Variants in RBM7 observed in about 807,000 individuals in gnomAD.
RBM7 encodes RNA binding motif protein 7.
Under a neutral mutation model 31.0 loss-of-function variants are expected in RBM7, and 13 were observed. That is an observed-to-expected ratio of 0.42 (90% CI 0.27 to 0.67). RBM7 has a LOEUF of 0.67. Among genes scored for constraint, RBM7 ranks in the 30% least tolerant of loss-of-function variants. The pLI is 0.24. For missense variants in RBM7, 245 were observed against 326.2 expected (o/e 0.75, Z 1.92); for synonymous variants, 106 against 111.2 (o/e 0.95, Z 0.30).
rs1946293062 is a variant in RBM7, at chr11:114,408,219, CT to C, written c.*416del. 6.5e-6 allele frequency: 1 copy of C among 153,676 alleles called. No homozygotes were observed. Among genetic ancestry groups the C allele is most frequent in the African/African-American group, 2.4e-5 (1 of 41,428 alleles). The allele number at this position is 153,676 out of a possible 1,614,324, so 9.5% of individuals were successfully genotyped here. A position where few individuals can be genotyped will look rare whatever the true frequency, so the allele number is the denominator to read the frequency against. Reference sequence around the variant, plus strand: ...TATTTTAGTTAATTCAAAAATGAAACTTTTCAGTGATTCACTTTACTAACAT... The same window carrying C: ...TATTTTAGTTAATTCAAAAATGAAACTTTCAGTGATTCACTTTACTAACAT... On this transcript the variant is annotated 3_prime_UTR_variant, in exon 5 of 5. Transcript: ENST00000375490.
At chr11:114,402,268 A>G (rs1488341442) in intron 2 of RBM7, 1 of 168,524 alleles carries the variant, frequency 5.9e-6, no homozygotes, top group East Asian at 1.8e-4. Flanking sequence ...GGAGATCAGA[A>G]AATTATGGTC....
intron 3 of RBM7, 144 bp downstream of exon 3, chr11:114,403,059 A>G: frequency 1.4e-6 from 1 of 723,428 alleles, no homozygotes; most frequent in Non-Finnish European, 2.4e-6. Context: ...GGTTGTTGTT[A>G]TGTATCTATT....
At chr11:114,406,199 T>A (rs1415192635) in intron 4 of RBM7, 1 of 153,562 alleles carries the variant, frequency 6.5e-6, no homozygotes, top group Non-Finnish European at 1.4e-5. Flanking sequence ...TTTTCTTTTT[T>A]TGGTGGTGGT....
chr11:114,407,294 A>G, intron 4 of RBM7, 151 bp from the exon 5 acceptor site: 2 of 690,366 alleles, frequency 2.9e-6, no homozygotes, highest in Non-Finnish European at 4.8e-6. Context: ...GTAGGTATAC[A>G]TTGGAATGAT....
chr11:114,407,335 C>A, intron 4 of RBM7, 110 bp from the exon 5 acceptor site: 1 of 1,105,308 alleles, frequency 9.0e-7, no homozygotes, highest in Non-Finnish European at 1.3e-6. Context: ...AGTTGTGGAT[C>A]CATCTAGGCA....
At chr11:114,407,138 C>T (rs541967738) in intron 4 of RBM7, 15 of 226,910 alleles carry the variant, frequency 6.6e-5, no homozygotes, top group Admixed American at 5.9e-4. Context: ...TCATATGCCA[C>T]CTTCATGAAA....
rs939665353 is a variant in RBM7, at chr11:114,408,867, C to T, written c.*1060C>T. 5.3e-5 allele frequency: 8 copies of T among 151,310 alleles called. No homozygotes were observed. Among genetic ancestry groups the T allele is most frequent in the African/African-American group, 1.7e-4 (7 of 41,184 alleles). The allele number at this position is 151,310 out of a possible 1,614,324, so 9.4% of individuals were successfully genotyped here. On this transcript the variant is annotated 3_prime_UTR_variant, in exon 5 of 5. Transcript: ENST00000375490. ...AAAATAAGGATCCTTTTTAATACCACAGCATTTGTACTGTTCCTTTTTAAT... is the reference window on the plus strand; with the variant it reads ...AAAATAAGGATCCTTTTTAATACCATAGCATTTGTACTGTTCCTTTTTAAT...
chr11:114,404,246 G>A (rs1946237333), intron 3 of RBM7, among the ~76,000 whole-genome samples: 1 of 152,170 alleles, frequency 6.6e-6, no homozygotes, highest in African/African-American at 2.4e-5. Flanking sequence ...GCTTTTGGTA[G>A]CAAGGCATTG....
intron 1 of RBM7, 99 bp from the exon 2 acceptor site, chr11:114,401,599 G>A: frequency 9.8e-7 from 1 of 1,019,576 alleles, no homozygotes; most frequent in Non-Finnish European, 1.4e-6. Flanking sequence ...TTCTGATTAC[G>A]TTTCTGTTGT....
At position 114,402,927 on chromosome 11, in the gene RBM7, C is replaced by T. The variant is rs779154657; in HGVS notation, c.347+12C>T. On this transcript the variant is annotated intron_variant, in intron 3 of 4. Transcript: ENST00000375490. The stretch of plus-strand genomic sequence containing the variant: ...ACATCTCCTAGCAGGTAATATTTCT[C>T]ACTTATTGTTAAGATCATTTATCAG... 6.9e-6 allele frequency: 11 copies of T among 1,583,188 alleles called. No homozygotes were observed. In the South Asian group the frequency reaches 1.2e-4, roughly 18 times the overall value.
chr11:114,407,940 AGC>A lies in RBM7; in HGVS notation c.*134_*135del. The stretch of plus-strand genomic sequence containing the variant: ...CACATTTCTTTATAAATTTTTTTAA[AGC>A]TACAGTTTAATACAAAATGAATTGC... On this transcript the variant is annotated 3_prime_UTR_variant, in exon 5 of 5. Transcript: ENST00000375490. 1 of 1,105,494 alleles carries A rather than the reference AGC, an allele frequency of 9.0e-7. No homozygotes were observed. Among genetic ancestry groups the A allele is most frequent in the Non-Finnish European group, 1.2e-6 (1 of 809,626 alleles). 68.5% of individuals were successfully genotyped at this position (1,105,494 alleles called of 1,614,324 possible).
At chr11:114,406,729 C>T (rs494260) in intron 4 of RBM7, 148,792 of 152,368 alleles carry the variant, frequency 0.98, 72,671 homozygotes, top group East Asian at 1. Context: ...TTTAATTGTT[C>T]ACTGCTTATT....
Position 114,408,087 on chromosome 11 carries a change from A to G in RBM7, c.*280A>G, listed in dbSNP as rs559692817. The G allele has an allele frequency of 7.2e-4, 153 of 213,024 alleles. 4 individuals carry two copies. The South Asian group carries it at 0.026, about 36-fold the overall frequency. 13.2% of individuals were successfully genotyped at this position (213,024 alleles called of 1,614,324 possible). A position where few individuals can be genotyped will look rare whatever the true frequency, so the allele number is the denominator to read the frequency against. ...ACACTTTAGGAGGGGGTGAAGTTGTATGATAAAGCAGATATTTTAATTATT... is the reference window on the plus strand; with the variant it reads ...ACACTTTAGGAGGGGGTGAAGTTGTGTGATAAAGCAGATATTTTAATTATT... On this transcript the variant is annotated 3_prime_UTR_variant, in exon 5 of 5. Transcript: ENST00000375490.
chr11:114,401,849 A>C lies in RBM7; in HGVS notation c.248A>C (p.Gln83Pro). ...CTTTATGGAAGGCCTATCAAAATTC[A>C]ATTTAGATCAGGTAACTGCCCAATG... Reference protein sequence around the residue: ...IKLYGRPIKIQFRSGSSHAPQ... With the variant: ...IKLYGRPIKIPFRSGSSHAPQ... The change falls in exon 2 of 5, where the codon CAA (glutamine) becomes CCA (proline). Residue 83 changes from glutamine to proline, a missense_variant. Physicochemically the swap from Gln to Pro is moderately conservative, Grantham distance 76. Transcript: ENST00000375490. The C allele has an allele frequency of 6.3e-7, 1 of 1,590,186 alleles. No individual in the cohort carries two copies. Among genetic ancestry groups the C allele is most frequent in the Non-Finnish European group, 8.5e-7 (1 of 1,171,938 alleles).
Position 114,400,794 on chromosome 11 carries a change from C to T in RBM7, c.96+27C>T, listed in dbSNP as rs1306862540. ...TAAGCGGCTGGGTTCGGCCCTTTGC[C>T]TTTCGTTTTCCGTCTCGCCTAGGGC... On this transcript the variant is annotated intron_variant, in intron 1 of 4. Coordinates refer to ENST00000375490, the MANE Select transcript of RBM7 (RefSeq NM_001286045.2). 4.3e-6 allele frequency: 7 copies of T among 1,613,530 alleles called. No homozygotes were observed. In the East Asian group the frequency reaches 6.7e-5, roughly 15 times the overall value.
intron 3 of RBM7, among the ~76,000 whole-genome samples, chr11:114,404,188 G>A (rs946607937): frequency 6.6e-6 from 1 of 152,192 alleles, no homozygotes; most frequent in Non-Finnish European, 1.5e-5. Context: ...TGGTTGCAGT[G>A]GGAGAATGGA....
intron 4 of RBM7, chr11:114,406,359 G>A (rs1311261250): frequency 6.6e-6 from 1 of 152,064 alleles, no homozygotes; most frequent in Non-Finnish European, 1.5e-5. Flanking sequence ...TATTTCATAG[G>A]TCTGCAAAAT....
Position 114,407,748 on chromosome 11 carries a change from G to C in RBM7, c.745G>C (p.Asp249His). The C allele has an allele frequency of 6.2e-7, 1 of 1,613,660 alleles. No individual in the cohort carries two copies. The highest frequency in any genetic ancestry group is 8.5e-7 in the Non-Finnish European group (1 of 1,179,936). Residue 249 changes from aspartate to histidine, a missense_variant, in exon 5 of 5, where the codon GAC becomes CAC. By Grantham distance (81) the Asp-to-His change is moderately conservative. Coordinates refer to ENST00000375490, the MANE Select transcript of RBM7 (RefSeq NM_001286045.2). ...EDRNHDDWSH[D>H]YDNRRDSSRD... ...CAGGAATCATGATGACTGGAGCCATGACTATGATAACAGAAGAGACAGTAG... is the reference window on the plus strand; with the variant it reads ...CAGGAATCATGATGACTGGAGCCATCACTATGATAACAGAAGAGACAGTAG...
Position 114,407,561 on chromosome 11 carries a change from A to G in RBM7, c.558A>G (p.Ser186=). ...ACAGTCATAGTTTCAATCAGTCTTC[A>G]AGCTCCCAGTGGCGCCAAGGTACAC... is the stretch of plus-strand genomic sequence containing the variant. ...QSHSHSFNQS[S]SSQWRQGTPS... The change falls in exon 5 of 5, where the codon TCA becomes TCG. Residue 186 remains serine, a synonymous_variant. Coordinates refer to ENST00000375490, the MANE Select transcript of RBM7 (RefSeq NM_001286045.2). 1.2e-6 allele frequency: 2 copies of G among 1,614,224 alleles called. No individual in the cohort carries two copies. The highest frequency in any genetic ancestry group is 1.1e-5 in the South Asian group (1 of 91,086).
Sources: gnomAD v4.1 joint callset for allele counts (sites outside exome capture counted in the v4.1 genomes callset) on GRCh38, gnomAD v4.1.1 for gene constraint, MANE v1.5 for transcripts, NCBI Gene and HGNC (gene_info 2026-07-23, HGNC 2026-07-21) for gene names.